Variants in CFAP95 observed in about 807,000 individuals in gnomAD.
CFAP95 encodes the protein cilia- and flagella-associated protein 95.
the CFAP95 span, among the ~76,000 whole-genome samples, chr9:69,869,209 G>A: frequency 6.6e-6 from 1 of 152,188 alleles, no homozygotes; most frequent in Non-Finnish European, 1.5e-5. Context: ...CTTCATTGCA[G>A]CATTATTCAC....
At chr9:69,820,881 T>C in the CFAP95 span, 2 of 1,613,888 alleles carry the variant, frequency 1.2e-6, no homozygotes, top group Middle Eastern at 1.7e-4. Flanking sequence ...AGGGCTCCCA[T>C]GGATAGCCTT....
At chr9:69,854,505 T>C in the CFAP95 span, among the ~76,000 whole-genome samples, 10 of 152,256 alleles carry the variant, frequency 6.6e-5, no homozygotes. Context: ...AGCTTCTACT[T>C]TCTAGCTGAT....
chr9:69,906,119 C>T, the CFAP95 span: 1 of 1,598,958 alleles, frequency 6.3e-7, no homozygotes, highest in South Asian at 1.1e-5. Flanking sequence ...GACTAGTGGG[C>T]CTATTGTGCC....
the CFAP95 span, among the ~76,000 whole-genome samples, chr9:69,882,399 T>A: frequency 6.6e-6 from 1 of 152,224 alleles, no homozygotes; most frequent in African/African-American, 2.4e-5. Context: ...CAAACAAGGA[T>A]AATTTGACTT....
the CFAP95 span, chr9:69,844,623 C>G: frequency 6.2e-7 from 1 of 1,601,322 alleles, no homozygotes; most frequent in South Asian, 1.1e-5. Flanking sequence ...CGATGAATCC[C>G]CAGTAAGTAG....
At chr9:69,889,187 T>C in the CFAP95 span, among the ~76,000 whole-genome samples, 6,077 of 152,252 alleles carry the variant, frequency 0.04, 362 homozygotes, top group African/African-American at 0.14. Flanking sequence ...CGTTCAAAAA[T>C]GGAAACCGTA....
the CFAP95 span, among the ~76,000 whole-genome samples, chr9:69,875,195 G>A: frequency 1.3e-5 from 2 of 151,898 alleles, no homozygotes; most frequent in African/African-American, 2.4e-5. Context: ...AAAATTGATT[G>A]TTGCCCTGTT....
the CFAP95 span, among the ~76,000 whole-genome samples, chr9:69,862,066 G>A: frequency 3.9e-5 from 6 of 152,200 alleles, no homozygotes; most frequent in Non-Finnish European, 8.8e-5. Flanking sequence ...TGAAGGGAAA[G>A]ACTATCACAA....
chr9:69,841,446 C>T, the CFAP95 span, among the ~76,000 whole-genome samples: 1 of 151,830 alleles, frequency 6.6e-6, no homozygotes, highest in Non-Finnish European at 1.5e-5. Flanking sequence ...TAGCATAAGC[C>T]TGATAGATTT....
chr9:69,882,310 C>A, the CFAP95 span, among the ~76,000 whole-genome samples: 3 of 152,132 alleles, frequency 2.0e-5, no homozygotes, highest in Non-Finnish European at 2.9e-5. Context: ...TTGTGTCCTG[C>A]AACTTTACTG....
At chr9:69,895,827 G>T in the CFAP95 span, among the ~76,000 whole-genome samples, 1 of 151,922 alleles carries the variant, frequency 6.6e-6, no homozygotes, top group Admixed American at 6.5e-5. Context: ...ACAGAGTCTT[G>T]CTCTGTCACT....
At chr9:69,893,917 G>A in the CFAP95 span, among the ~76,000 whole-genome samples, 34 of 152,098 alleles carry the variant, frequency 2.2e-4, no homozygotes, top group Admixed American at 2.2e-3. Flanking sequence ...ATCTTATCGT[G>A]TATTATTGAC....
At chr9:69,898,651 A>G in the CFAP95 span, among the ~76,000 whole-genome samples, 1 of 152,200 alleles carries the variant, frequency 6.6e-6, no homozygotes, top group Admixed American at 6.5e-5. Context: ...GAAAATTGAT[A>G]CAGTGCAATT....
At chr9:69,854,558 T>C in the CFAP95 span, among the ~76,000 whole-genome samples, 1 of 152,188 alleles carries the variant, frequency 6.6e-6, no homozygotes, top group Non-Finnish European at 1.5e-5. Flanking sequence ...TAGTTTTCCC[T>C]TTTTTAAAAC....
At chr9:69,834,846 G>A in the CFAP95 span, among the ~76,000 whole-genome samples, 7 of 152,278 alleles carry the variant, frequency 4.6e-5, no homozygotes, top group East Asian at 9.6e-4. Flanking sequence ...GTATTTCTTC[G>A]TAAGTCTGAA....
chr9:69,889,954 C>A, the CFAP95 span, among the ~76,000 whole-genome samples: 2 of 152,054 alleles, frequency 1.3e-5, no homozygotes, highest in Non-Finnish European at 2.9e-5. Context: ...AGGGAAACTG[C>A]CAAAATGCTA....
chr9:69,900,687 T>C, the CFAP95 span, among the ~76,000 whole-genome samples: 1 of 152,224 alleles, frequency 6.6e-6, no homozygotes, highest in East Asian at 1.9e-4. Flanking sequence ...GTTAGTATCT[T>C]CCTCTGCAGA....
At chr9:69,878,629 T>C in the CFAP95 span, among the ~76,000 whole-genome samples, 1 of 152,194 alleles carries the variant, frequency 6.6e-6, no homozygotes, top group Non-Finnish European at 1.5e-5. Flanking sequence ...GAGATTTGGA[T>C]TTAAGGAACC....
At chr9:69,862,052 G>A in the CFAP95 span, among the ~76,000 whole-genome samples, 4 of 152,174 alleles carry the variant, frequency 2.6e-5, no homozygotes, top group Non-Finnish European at 5.9e-5. Flanking sequence ...TAAATTCAAT[G>A]CTCTGAAGGG....
Sources: allele counts gnomAD v4.1 joint callset (sites outside exome capture counted in the v4.1 genomes callset), GRCh38; gene constraint gnomAD v4.1.1; transcripts MANE v1.5; gene names NCBI Gene and HGNC (gene_info 2026-07-23, HGNC 2026-07-21).